The following SLC39A11 variants were observed in gnomAD, a reference collection of about 807,000 sequenced individuals.
The protein encoded by SLC39A11 is zinc transporter ZIP11.
Under a neutral mutation model 36.1 loss-of-function variants are expected in SLC39A11, and 33 were observed. The observed-to-expected ratio is 0.91, with a 90% CI of 0.69 to 1.22. SLC39A11 has a LOEUF of 1.22. Ranked by LOEUF, SLC39A11 falls within the 50% of genes most tolerant of loss-of-function variation. SLC39A11 has a pLI of 0.00. For synonymous variants in SLC39A11, 166 were observed against 170.3 expected (o/e 0.97, Z 0.20); for missense variants, 432 against 430.3 (o/e 1.00, Z -0.03).
At position 72,854,471 on chromosome 17, in the gene SLC39A11, T is replaced by A. The variant is rs556857869; in HGVS notation, c.431-4667A>T. 3.3e-5 allele frequency among the ~76,000 whole-genome samples: 5 copies of A among 152,306 alleles called. No individual in the cohort carries two copies. The South Asian group carries it at 1.0e-3, about 32-fold the overall frequency. On this transcript the variant is annotated intron_variant, in intron 5 of 9. Transcript: ENST00000255559. ...AGGAGAAATCTCGTATCTATAATCA[T>A]TCTTACTTGCAGACAAACCTGAAAC...
At chr17:72,783,030 G>T (rs368385892) in intron 6 of SLC39A11, among the ~76,000 whole-genome samples, 1 of 134,864 alleles carries the variant, frequency 7.4e-6, no homozygotes. Flanking sequence ...AAAGAAAAAA[G>T]AAAAGAAAAG....
chr17:72,703,680 C>G (rs1202546279), intron 7 of SLC39A11, among the ~76,000 whole-genome samples: 1 of 152,198 alleles, frequency 6.6e-6, no homozygotes, highest in East Asian at 1.9e-4. Flanking sequence ...CATCCATGGC[C>G]AACCAAGATC....
intron 4 of SLC39A11, among the ~76,000 whole-genome samples, chr17:72,973,316 C>CG (rs35862906): frequency 0.5 from 76,024 of 150,884 alleles, 20,431 homozygotes; most frequent in Middle Eastern, 0.69. Context: ...CCAGCACTGC[C>CG]GGGGGGGCAC....
chr17:72,686,055 A>C (rs2071734379), intron 7 of SLC39A11, among the ~76,000 whole-genome samples: 2 of 151,900 alleles, frequency 1.3e-5, no homozygotes, highest in African/African-American at 2.4e-5. Context: ...ATCTATTGAC[A>C]GGTGGACCTC....
At chr17:72,770,713 G>A (rs1027432719) in intron 6 of SLC39A11, among the ~76,000 whole-genome samples, 1 of 152,200 alleles carries the variant, frequency 6.6e-6, no homozygotes, top group Non-Finnish European at 1.5e-5. Context: ...GGCCAAAAGA[G>A]CAACATGCCC....
At chr17:72,910,640 A>AC (rs2082934186) in intron 5 of SLC39A11, among the ~76,000 whole-genome samples, 1 of 149,496 alleles carries the variant, frequency 6.7e-6, no homozygotes, top group African/African-American at 2.4e-5. Flanking sequence ...AAAAAAAAAA[A>AC]AAAAGGCTGG....
chr17:72,879,218 A>G (rs1432192229), intron 5 of SLC39A11, among the ~76,000 whole-genome samples: 2 of 152,218 alleles, frequency 1.3e-5, no homozygotes, highest in Non-Finnish European at 2.9e-5. Context: ...TTAAGCCTGA[A>G]TCATTAAGTC....
At chr17:72,727,012 G>A (rs922841432) in intron 7 of SLC39A11, among the ~76,000 whole-genome samples, 1 of 152,200 alleles carries the variant, frequency 6.6e-6, no homozygotes, top group Admixed American at 6.5e-5. Flanking sequence ...CTCCTCTGCT[G>A]TGCACAGCCT....
At chr17:73,005,081 C>T (rs1158979757) in intron 4 of SLC39A11, among the ~76,000 whole-genome samples, 1 of 152,230 alleles carries the variant, frequency 6.6e-6, no homozygotes, top group Non-Finnish European at 1.5e-5. Context: ...ACTGCAACCT[C>T]CACCTCCCAG....
intron 1 of SLC39A11, among the ~76,000 whole-genome samples, chr17:73,090,268 G>A (rs989746799): frequency 6.6e-6 from 1 of 152,178 alleles, no homozygotes; most frequent in East Asian, 1.9e-4. Context: ...GTCCAGGTGA[G>A]CCCAGGTGAG....
At chr17:72,851,819 A>G (rs1054631685) in intron 5 of SLC39A11, among the ~76,000 whole-genome samples, 1 of 152,202 alleles carries the variant, frequency 6.6e-6, no homozygotes, top group Non-Finnish European at 1.5e-5. Flanking sequence ...AGCTCTCTGA[A>G]TGTCTTCTAG....
In SLC39A11 at chr17:73,020,163, A is replaced by G. The variant is rs1006297751; in HGVS notation, c.306+11393T>C. Among the ~76,000 whole-genome samples, 29 of 152,258 alleles carry G rather than the reference A, an allele frequency of 1.9e-4. 1 individual carries two copies. Among genetic ancestry groups the G allele is most frequent in the Non-Finnish European group, 4.3e-4 (29 of 68,040 alleles). On this transcript the variant is annotated intron_variant, in intron 4 of 9. Coordinates refer to ENST00000255559, the MANE Select transcript of SLC39A11 (RefSeq NM_139177.4). Reference sequence around the variant, plus strand: ...GACAGAATGTCCTCGCATTCTTTATATCAGGTGTTACAAACAGAATATTTG... The same window carrying G: ...GACAGAATGTCCTCGCATTCTTTATGTCAGGTGTTACAAACAGAATATTTG...
At chr17:72,687,788 G>A (rs113494678) in intron 7 of SLC39A11, among the ~76,000 whole-genome samples, 32 of 152,292 alleles carry the variant, frequency 2.1e-4, no homozygotes, top group Non-Finnish European at 3.7e-4. Flanking sequence ...GCCAAGACCC[G>A]GCTGGATGCT....
intron 6 of SLC39A11, among the ~76,000 whole-genome samples, chr17:72,816,979 C>A (rs2077603293): frequency 1.3e-5 from 2 of 152,240 alleles, no homozygotes; most frequent in African/African-American, 4.8e-5. Flanking sequence ...TATTTTCTTA[C>A]TTCCAGGGTG....
chr17:72,735,949 G>A (rs969624634), intron 7 of SLC39A11, among the ~76,000 whole-genome samples: 1 of 152,226 alleles, frequency 6.6e-6, no homozygotes. Context: ...AGTGACGGCA[G>A]GGTTGGCTTG....
chr17:73,005,712 G>T (rs1195154403), intron 4 of SLC39A11, among the ~76,000 whole-genome samples: 1 of 152,194 alleles, frequency 6.6e-6, no homozygotes, highest in Non-Finnish European at 1.5e-5. Flanking sequence ...ACTTTGGAAG[G>T]CCAAGGCAAG....
chr17:73,022,261 A>C lies in SLC39A11; in HGVS notation c.306+9295T>G, dbSNP rs146335052. On this transcript the variant is annotated intron_variant, in intron 4 of 9. Transcript: ENST00000255559. ...TCCCATCACCTAAATGCGCACTTGC[A>C]GGCATCCACAGAATGGTCAAAACTG... is the stretch of plus-strand genomic sequence containing the variant. Among the ~76,000 whole-genome samples the C allele has an allele frequency of 1.4e-3, 208 of 152,358 alleles. 1 individual carries two copies. The highest frequency in any genetic ancestry group is 4.5e-3 in the African/African-American group (189 of 41,576).
intron 3 of SLC39A11, among the ~76,000 whole-genome samples, chr17:73,076,267 A>T (rs1186274411): frequency 6.6e-6 from 1 of 152,182 alleles, no homozygotes. Flanking sequence ...TAGGCAAATA[A>T]ATTCCAAAAT....
chr17:73,062,475 A>AAAAAAAAAAAAAAAAAAAAC (rs56021607), intron 3 of SLC39A11, among the ~76,000 whole-genome samples: 4,686 of 86,588 alleles, frequency 0.054, 1,026 homozygotes, highest in Non-Finnish European at 0.068. Flanking sequence ...AAAAAAAAAA[A>AAAAAAAAAAAAAAAAAAAAC]AAACTTTAGG....
Sources: allele counts gnomAD v4.1 joint callset (sites outside exome capture counted in the v4.1 genomes callset), GRCh38; gene constraint gnomAD v4.1.1; transcripts MANE v1.5; gene names NCBI Gene and HGNC (gene_info 2026-07-23, HGNC 2026-07-21).